Variants in NCOA7 observed in about 807,000 individuals in gnomAD.
The protein encoded by NCOA7 is 140 kDa estrogen receptor-associated protein.
A neutral mutation model predicts 104.3 loss-of-function variants in NCOA7; 45 were observed. The ratio of observed to expected loss-of-function variants is 0.43; its 90% confidence interval spans 0.34 to 0.55. NCOA7 has a LOEUF of 0.55. NCOA7 is among the 20% of genes least tolerant of loss of function. The probability of loss-of-function intolerance (pLI) is 0.02; values close to 1 mark genes in which losing one functional copy is unlikely to be tolerated. For missense variants in NCOA7, 1,041 were observed against 1,119.7 expected, an observed-to-expected ratio of 0.93 and a Z score of 1.00; for synonymous variants, 398 against 402.3, an observed-to-expected ratio of 0.99 and a Z score of 0.13.
intron 1 of NCOA7, among the ~76,000 whole-genome samples, chr6:125,804,371 G>C (rs949141109): frequency 1.3e-5 from 2 of 152,136 alleles, no homozygotes; most frequent in African/African-American, 4.8e-5. Context: ...ATAGTAGGGG[G>C]TATCTCCAGA....
At chr6:125,806,232 T>C (rs1776436545) in intron 1 of NCOA7, among the ~76,000 whole-genome samples, 3 of 152,030 alleles carry the variant, frequency 2.0e-5, no homozygotes. Flanking sequence ...TCCCAGCTAC[T>C]TGGGAGGCTG....
chr6:125,917,753 A>G (rs1484619276), intron 11 of NCOA7, among the ~76,000 whole-genome samples: 1 of 152,194 alleles, frequency 6.6e-6, no homozygotes, highest in Non-Finnish European at 1.5e-5. Context: ...CTGGAGAGGA[A>G]GGAGAAAAGA....
intron 10 of NCOA7, among the ~76,000 whole-genome samples, chr6:125,901,998 C>T (rs997669849): frequency 6.6e-6 from 1 of 152,172 alleles, no homozygotes; most frequent in African/African-American, 2.4e-5. Flanking sequence ...TCTCAGCATT[C>T]AGGCGCTTCT....
chr6:125,859,265 C>G (rs917219081), intron 3 of NCOA7, among the ~76,000 whole-genome samples: 1 of 151,332 alleles, frequency 6.6e-6, no homozygotes, highest in East Asian at 1.9e-4. Flanking sequence ...CAAAAATTGA[C>G]AGACTAGGAA....
intron 2 of NCOA7, among the ~76,000 whole-genome samples, chr6:125,843,193 C>A (rs1202977531): frequency 6.6e-6 from 1 of 152,034 alleles, no homozygotes; most frequent in African/African-American, 2.4e-5. Context: ...TCCTAAGTGT[C>A]CATATAAGAG....
intron 3 of NCOA7, among the ~76,000 whole-genome samples, chr6:125,858,232 AC>A (rs754931140): frequency 1.1e-4 from 17 of 152,164 alleles, no homozygotes; most frequent in Non-Finnish European, 2.2e-4. Context: ...AATAGTTAAT[AC>A]ATAGATAAAT....
rs543636550 is a variant in NCOA7, at chr6:125,811,162, C to G, written c.-64-4129C>G. Among the ~76,000 whole-genome samples, 142 of 152,310 alleles carry G rather than the reference C, an allele frequency of 9.3e-4. 3 individuals are homozygous for G. Among genetic ancestry groups the G allele is most frequent in the Non-Finnish European group, 2.2e-4 (15 of 68,036 alleles). ...AGAGAGCCTAGGATTCTGATCTTTCCTGGAGTCTGAGGGAGGCTGGCATGA... is the reference window on the plus strand; with the variant it reads ...AGAGAGCCTAGGATTCTGATCTTTCGTGGAGTCTGAGGGAGGCTGGCATGA... On this transcript the variant is annotated intron_variant, in intron 1 of 15. Coordinates refer to ENST00000392477, the MANE Select transcript of NCOA7 (RefSeq NM_181782.5).
chr6:125,821,044 C>A (rs867863489), intron 2 of NCOA7, among the ~76,000 whole-genome samples: 1 of 152,044 alleles, frequency 6.6e-6, no homozygotes, highest in East Asian at 1.9e-4. Flanking sequence ...CTTGATGAAC[C>A]GTCATGTCAA....
chr6:125,900,057 A>T (rs772181743), intron 10 of NCOA7: 2 of 532,772 alleles, frequency 3.8e-6, no homozygotes, highest in South Asian at 2.8e-5. Context: ...TGCAAACCTA[A>T]ATGCCTGCAG....
chr6:125,889,514 G>A lies in NCOA7; in HGVS notation c.1460G>A (p.Cys487Tyr), dbSNP rs1450985502. Residue 487 changes from cysteine (C) to tyrosine (Y), a missense_variant, in exon 9 of 16, where the codon TGT becomes TAT. Physicochemically the swap from Cys to Tyr is radical, Grantham distance 194. Transcript: ENST00000392477. ...AAGGGGGCGCTAGATTTAGAAACCT[G>A]TGAGAAGCAAGATATAATGCCAGAA... ...ELKGALDLET[C>Y]EKQDIMPEVD... 6.2e-7 allele frequency: 1 copy of A among 1,614,144 alleles called. No homozygotes were observed. Among genetic ancestry groups the A allele is most frequent in the East Asian group, 2.2e-5 (1 of 44,864 alleles).
Position 125,889,287 on chromosome 6 carries a change from G to T in NCOA7, c.1233G>T (p.Gly411=), listed in dbSNP as rs758857082. The part of the protein sequence containing the change: ...FESTAKENFL[G]EDDDFVDLEE... ...CTACAGCCAAAGAAAACTTTCTAGG[G>T]GAAGATGATGATTTTGTTGACTTGG... The change falls in exon 9 of 16, where the codon GGG becomes GGT. Residue 411 remains glycine, a synonymous_variant. Coordinates refer to ENST00000392477, the MANE Select transcript of NCOA7 (RefSeq NM_181782.5). 1.2e-6 allele frequency: 2 copies of T among 1,614,078 alleles called. No homozygotes were observed.
In NCOA7 at chr6:125,890,677, C is replaced by T. The variant is rs748556190; in HGVS notation, c.1963C>T (p.Pro655Ser). 1 of 1,613,258 alleles carries T rather than the reference C, an allele frequency of 6.2e-7. No individual in the cohort carries two copies. The highest frequency in any genetic ancestry group is 8.5e-7 in the Non-Finnish European group (1 of 1,179,682). ...LPSKEEKSKT[P>S]PMFLCIKVGK... ...TTCAAAAGAAGAAAAAAGCAAGACC[C>T]CACCCATGTTCCTGTGCATCAAAGT... The change falls in exon 10 of 16, where the codon CCA becomes TCA. Residue 655 changes from proline to serine, a missense_variant. This residue lies in a region of NCOA7 where 914 missense variants were observed against 942.7 expected (regional missense o/e 0.97). Coordinates refer to ENST00000392477, the MANE Select transcript of NCOA7 (RefSeq NM_181782.5).
rs749319230 is a variant in NCOA7 at position 125,855,170 on chromosome 6, GA to G, written c.209del (p.Lys70ArgfsTer7). ...TGGAAGAGGAATATATGACTGATGA[GA>G]AAAAAAAGAGAAAAAGTAATCAGTT... Reference protein sequence around the residue: ...AVEEEYMTDEKKKRKSNQLKE... With the variant: ...AVEEEYMTDEXKKRKSNQLKE... On this transcript the variant is annotated frameshift_variant, in exon 3 of 16. Coordinates refer to ENST00000392477, the MANE Select transcript of NCOA7 (RefSeq NM_181782.5). LOFTEE classifies it high-confidence loss of function. 1 of 1,611,922 alleles carries G rather than the reference GA, an allele frequency of 6.2e-7. No individual in the cohort carries two copies. Among genetic ancestry groups the G allele is most frequent in the Non-Finnish European group, 8.5e-7 (1 of 1,179,392 alleles).
intron 1 of NCOA7, chr6:125,810,109 G>A (rs1252854545): frequency 6.6e-6 from 1 of 152,202 alleles, no homozygotes; most frequent in Non-Finnish European, 1.5e-5. Flanking sequence ...GTAGTCCGGA[G>A]TCAACAACAT....
upstream of NCOA7, among the ~76,000 whole-genome samples, chr6:125,787,870 G>A (rs899765362): frequency 2.0e-5 from 3 of 151,958 alleles, no homozygotes; most frequent in Non-Finnish European, 4.4e-5. Flanking sequence ...GAACCACTTG[G>A]GATTATCTCC....
chr6:125,802,923 T>G (rs140025068), intron 1 of NCOA7, among the ~76,000 whole-genome samples: 3 of 152,350 alleles, frequency 2.0e-5, no homozygotes, highest in African/African-American at 7.2e-5. Flanking sequence ...GCATATTCCC[T>G]GCTGCTTAGA....
At position 125,927,771 on chromosome 6, in the gene NCOA7, G is replaced by A; in HGVS notation, c.2619+13G>A. On this transcript the variant is annotated intron_variant, in intron 14 of 15. Coordinates refer to ENST00000392477, the MANE Select transcript of NCOA7 (RefSeq NM_181782.5). ...CCCTCATTTTAAGGTACCTAGATAG[G>A]AGAAATATCCAACTCCCATATGTCA... The A allele has an allele frequency of 6.3e-7, 1 of 1,591,920 alleles. No individual in the cohort carries two copies. Among genetic ancestry groups the A allele is most frequent in the Non-Finnish European group, 8.6e-7 (1 of 1,159,872 alleles).
chr6:125,832,198 T>A (rs1779250407), intron 2 of NCOA7, among the ~76,000 whole-genome samples: 1 of 152,316 alleles, frequency 6.6e-6, no homozygotes, highest in East Asian at 1.9e-4. Flanking sequence ...CTACCAATAA[T>A]TTCAAAGGCA....
intron 12 of NCOA7, 74 bp downstream of exon 12, chr6:125,921,142 G>T: frequency 6.5e-7 from 1 of 1,546,824 alleles, no homozygotes; most frequent in Non-Finnish European, 8.7e-7. Flanking sequence ...AGGTACAGTG[G>T]CTCATGCCTG....
Sources: gnomAD v4.1 joint callset for allele counts (sites outside exome capture counted in the v4.1 genomes callset) on GRCh38, gnomAD v4.1.1 for gene constraint, gnomAD v4.1.1 regional missense constraint, MANE v1.5 for transcripts, NCBI Gene and HGNC (gene_info 2026-07-23, HGNC 2026-07-21) for gene names.